Variants in AVL9 observed in about 807,000 individuals in gnomAD.
The protein encoded by AVL9 is late secretory pathway protein AVL9 homolog.
AVL9 carries 49 observed loss-of-function variants against 79.2 expected under a neutral mutation model. The observed-to-expected ratio is 0.62, with a 90% CI of 0.49 to 0.79. The LOEUF (loss-of-function observed/expected upper bound fraction) is 0.79. Among genes scored for constraint, AVL9 ranks in the 30% least tolerant of loss-of-function variants. The pLI is 0.00. For synonymous variants in AVL9, 299 were observed against 280.6 expected, an observed-to-expected ratio of 1.07 and a Z score of -0.65; for missense variants, 682 against 776.8, an observed-to-expected ratio of 0.88 and a Z score of 1.45.
chr7:32,529,566 G>T (rs1206492651), intron 1 of AVL9, among the ~76,000 whole-genome samples: 2 of 152,188 alleles, frequency 1.3e-5, no homozygotes, highest in African/African-American at 2.4e-5. Flanking sequence ...TAAGGAAATT[G>T]AAGTTAAAGT....
At chr7:32,505,479 C>T (rs547418453) in intron 1 of AVL9, among the ~76,000 whole-genome samples, 8 of 151,006 alleles carry the variant, frequency 5.3e-5, no homozygotes, top group South Asian at 2.1e-4. Flanking sequence ...GCTGAGATCA[C>T]GCCACTATAC....
chr7:32,528,237 A>G (rs1788489376), intron 1 of AVL9, among the ~76,000 whole-genome samples: 1 of 152,158 alleles, frequency 6.6e-6, no homozygotes, highest in South Asian at 2.1e-4. Flanking sequence ...AGACTAAGCC[A>G]ATGTAAACCT....
chr7:32,554,429 A>T (rs566035276), intron 7 of AVL9, 129 bp from the exon 8 acceptor site: 1 of 481,662 alleles, frequency 2.1e-6, no homozygotes, highest in South Asian at 5.3e-5. Flanking sequence ...ATAAGTTCAT[A>T]ATTTTTCATG....
At chr7:32,546,974 G>C (rs755247895) in intron 3 of AVL9, among the ~76,000 whole-genome samples, 3 of 152,200 alleles carry the variant, frequency 2.0e-5, no homozygotes, top group Non-Finnish European at 4.4e-5. Context: ...GAAGAGAGTT[G>C]CTGGGAGGAA....
At chr7:32,550,040 G>C (rs1789740270) in intron 4 of AVL9, among the ~76,000 whole-genome samples, 1 of 152,140 alleles carries the variant, frequency 6.6e-6, no homozygotes, top group Non-Finnish European at 1.5e-5. Flanking sequence ...AGAGTAGCCT[G>C]AAAAATATAC....
At chr7:32,553,622 CTTTTTT>C (rs10717407) in intron 6 of AVL9, 99 bp from the exon 7 acceptor site, 2 of 607,070 alleles carry the variant, frequency 3.3e-6, no homozygotes, top group Non-Finnish European at 5.6e-6. Flanking sequence ...CATATTCCTA[CTTTTTT>C]TTTTTTTTAA....
chr7:32,504,739 G>A (rs1787330106), intron 1 of AVL9, among the ~76,000 whole-genome samples: 1 of 152,226 alleles, frequency 6.6e-6, no homozygotes, highest in South Asian at 2.1e-4. Flanking sequence ...ACAGGCAGAA[G>A]TAATATTTAA....
intron 1 of AVL9, 50 bp from the exon 2 acceptor site, chr7:32,543,091 A>G (rs758634233): frequency 8.1e-6 from 13 of 1,608,392 alleles, no homozygotes; most frequent in Non-Finnish European, 1.0e-5. Context: ...TCAGAATAAA[A>G]TGCTTCCTTT....
At chr7:32,516,464 A>G (rs904193556) in intron 1 of AVL9, among the ~76,000 whole-genome samples, 1 of 152,150 alleles carries the variant, frequency 6.6e-6, no homozygotes, top group African/African-American at 2.4e-5. Context: ...GAGTTTCCTC[A>G]GCTCCCTAAA....
rs1032598570 is a variant in AVL9, at chr7:32,584,108, G to A, written c.*201G>A. On this transcript the variant is annotated 3_prime_UTR_variant, in exon 16 of 16. Transcript: ENST00000318709. ...TAGCAGGGATGGCTTTCCAGGTTGG[G>A]GTTTCAATTGACTACTTTTATTTCA... 4.9e-6 allele frequency: 3 copies of A among 614,638 alleles called. No individual in the cohort carries two copies. Among genetic ancestry groups the A allele is most frequent in the Non-Finnish European group, 9.0e-6 (3 of 333,134 alleles). The allele number at this position is 614,638 out of a possible 1,614,324, so 38.1% of individuals were successfully genotyped here.
intron 1 of AVL9, among the ~76,000 whole-genome samples, chr7:32,500,964 T>C (rs1238039245): frequency 6.6e-6 from 1 of 152,188 alleles, no homozygotes; most frequent in Non-Finnish European, 1.5e-5. Context: ...CGTTGGTCTA[T>C]ATGTCTAAAA....
intron 10 of AVL9, among the ~76,000 whole-genome samples, chr7:32,561,519 C>T (rs1790332770): frequency 6.6e-6 from 1 of 152,200 alleles, no homozygotes; most frequent in Non-Finnish European, 1.5e-5. Flanking sequence ...CTAGATTAGG[C>T]TTTGGCTTAA....
intron 10 of AVL9, among the ~76,000 whole-genome samples, chr7:32,566,844 C>T (rs932617675): frequency 6.6e-6 from 1 of 152,168 alleles, no homozygotes; most frequent in Non-Finnish European, 1.5e-5. Flanking sequence ...GATCGCGCCA[C>T]TGCACTCCAG....
rs894560318 is a variant in AVL9 at position 32,585,673 on chromosome 7, T to C, written c.*1766T>C. 1.3e-5 allele frequency: 2 copies of C among 152,204 alleles called. No individual in the cohort carries two copies. 9.4% of individuals were successfully genotyped at this position (152,204 alleles called of 1,614,324 possible). A position where few individuals can be genotyped will look rare whatever the true frequency, so the allele number is the denominator to read the frequency against. On this transcript the variant is annotated 3_prime_UTR_variant, in exon 16 of 16. Transcript: ENST00000318709. ...AACATAGAAACATAATCTAAATGTCTCTAAATTTTCCACTTTGTGTTTTCT... is the reference window on the plus strand; with the variant it reads ...AACATAGAAACATAATCTAAATGTCCCTAAATTTTCCACTTTGTGTTTTCT...
At position 32,575,967 on chromosome 7, in the gene AVL9, T is replaced by A; in HGVS notation, c.1583T>A (p.Ile528Lys). 1 of 1,609,308 alleles carries A rather than the reference T, an allele frequency of 6.2e-7. No homozygotes were observed. The highest frequency in any genetic ancestry group is 8.5e-7 in the Non-Finnish European group (1 of 1,175,646). Residue 528 changes from isoleucine (I) to lysine (K), a missense_variant, in exon 13 of 16, where the codon ATA becomes AAA. By Grantham distance (102) the Ile-to-Lys change is moderately radical. Transcript: ENST00000318709. ...AATLQLDNEK[I>K]LSDYGTTFVT... ...ATTTACTTGACAGACAATGAAAAGA[T>A]ATTATCGGACTATGGGACAACTTTT...
At position 32,544,702 on chromosome 7, in the gene AVL9, T is replaced by C; in HGVS notation, c.223T>C (p.Phe75Leu). 1.2e-6 allele frequency: 2 copies of C among 1,613,172 alleles called. No homozygotes were observed. The highest frequency in any genetic ancestry group is 1.7e-6 in the Non-Finnish European group (2 of 1,179,322). The change falls in exon 3 of 16, where the codon TTT (phenylalanine) becomes CTT (leucine). Residue 75 changes from phenylalanine to leucine, a missense_variant. Transcript: ENST00000318709. The part of the protein sequence containing the change: ...GAHNYQEDTV[F>L]FHLPPRNGNG... The stretch of plus-strand genomic sequence containing the variant: ...TTCTATGTATCTCTTAGATACTGTG[T>C]TTTTTCACTTGCCACCCAGAAATGG...
At chr7:32,544,588 A>G (rs1006846131) in intron 2 of AVL9, 106 bp from the exon 3 acceptor site, 22 of 726,598 alleles carry the variant, frequency 3.0e-5, no homozygotes, top group Middle Eastern at 3.6e-4. Flanking sequence ...TCCTTGTTTT[A>G]TCATCATTTT....
intron 1 of AVL9, among the ~76,000 whole-genome samples, chr7:32,506,126 C>G (rs976155965): frequency 6.6e-6 from 1 of 151,866 alleles, no homozygotes; most frequent in Non-Finnish European, 1.5e-5. Flanking sequence ...AGTTTATAAG[C>G]TAGGCACAAG....
At chr7:32,499,251 A>G (rs375858879) in intron 1 of AVL9, among the ~76,000 whole-genome samples, 88 of 152,200 alleles carry the variant, frequency 5.8e-4, no homozygotes, top group African/African-American at 2.0e-3. Flanking sequence ...TTGGCTTGTT[A>G]TAGATTGTGT....
Sources: gnomAD v4.1 joint callset for allele counts (sites outside exome capture counted in the v4.1 genomes callset) on GRCh38, gnomAD v4.1.1 for gene constraint, MANE v1.5 for transcripts, NCBI Gene and HGNC (gene_info 2026-07-23, HGNC 2026-07-21) for gene names.